The following HNRNPF variants were observed in gnomAD, a reference collection of about 807,000 sequenced individuals.
HNRNPF encodes the protein heterogeneous nuclear ribonucleoprotein F.
A neutral mutation model predicts 26.0 loss-of-function variants in HNRNPF; 2 were observed. That is an observed-to-expected ratio of 0.08 (90% confidence interval 0.03 to 0.24). The LOEUF is 0.24. Ranked by LOEUF, HNRNPF falls within the 10% of genes least tolerant of loss-of-function variation. The pLI is 1.00. For missense variants in HNRNPF, 299 were observed against 539.2 expected, an observed-to-expected ratio of 0.55 and a Z score of 4.41; for synonymous variants, 234 against 211.5, an observed-to-expected ratio of 1.11 and a Z score of -0.92.
In HNRNPF at chr10:43,387,612, G is replaced by A. The variant is rs899239899; in HGVS notation, c.273C>T (p.Thr91=). 7 of 1,614,014 alleles carry A rather than the reference G, an allele frequency of 4.3e-6. No individual in the cohort carries two copies. The highest frequency in any genetic ancestry group is 2.7e-5 in the African/African-American group (2 of 74,910). The part of the protein sequence containing the change: ...RYIEVFKSHR[T]EMDWVLKHSG... Reference sequence around the variant, plus strand: ...TGTGCTTCAACACCCAATCCATCTCGGTTCTGTGGGACTTGAACACCTCAA... The same window carrying A: ...TGTGCTTCAACACCCAATCCATCTCAGTTCTGTGGGACTTGAACACCTCAA... The change falls in exon 4 of 4, where the codon ACC becomes ACT. Residue 91 remains threonine, a synonymous_variant. Coordinates refer to ENST00000682386, the MANE Select transcript of HNRNPF (RefSeq NM_001098204.2). This position sits in a 1 kb window ranked among gnomAD's most constrained non-coding sequence, Gnocchi z 6.0.
chr10:43,403,530 T>C (rs1189015425), intron 1 of HNRNPF, among the ~76,000 whole-genome samples: 1 of 152,236 alleles, frequency 6.6e-6, no homozygotes, highest in Non-Finnish European at 1.5e-5. Flanking sequence ...TCAGTCAACC[T>C]AATCCAGCAA....
chr10:43,403,437 A>G (rs190694300), intron 1 of HNRNPF, among the ~76,000 whole-genome samples: 1 of 152,262 alleles, frequency 6.6e-6, no homozygotes, highest in African/African-American at 2.4e-5. Context: ...TGATTTTTTC[A>G]TTTCCAAAAG....
chr10:43,403,608 A>C (rs1838820505), intron 1 of HNRNPF, among the ~76,000 whole-genome samples: 1 of 152,248 alleles, frequency 6.6e-6, no homozygotes, highest in Non-Finnish European at 1.5e-5. Context: ...TTTCAAACTC[A>C]ATCACTGCAA....
At chr10:43,397,013 T>C (rs1212607467) in intron 1 of HNRNPF, among the ~76,000 whole-genome samples, 1 of 150,046 alleles carries the variant, frequency 6.7e-6, no homozygotes, top group Non-Finnish European at 1.5e-5. Flanking sequence ...AAGCTAGCGC[T>C]GCCTAGGCGG....
intron 1 of HNRNPF, among the ~76,000 whole-genome samples, chr10:43,408,226 G>C (rs1838993397): frequency 6.6e-6 from 1 of 152,170 alleles, no homozygotes; most frequent in African/African-American, 2.4e-5. Context: ...TCCGGCAGTC[G>C]CCAGCTCCCC....
intron 2 of HNRNPF, among the ~76,000 whole-genome samples, chr10:43,396,035 A>G (rs2131976413): frequency 6.6e-6 from 1 of 152,296 alleles, no homozygotes; most frequent in African/African-American, 2.4e-5. Context: ...GGCCACCTAG[A>G]TAATTAAAAC....
intron 1 of HNRNPF, among the ~76,000 whole-genome samples, chr10:43,398,867 A>C (rs1838658869): frequency 6.6e-6 from 1 of 152,164 alleles, no homozygotes; most frequent in Non-Finnish European, 1.5e-5. Flanking sequence ...GAATGCACTT[A>C]CTAAATAACA....
At chr10:43,402,960 C>A (rs1372289825) in intron 1 of HNRNPF, among the ~76,000 whole-genome samples, 1 of 151,920 alleles carries the variant, frequency 6.6e-6, no homozygotes, top group Non-Finnish European at 1.5e-5. Flanking sequence ...AATCACAACT[C>A]ACTGCATCCT....
At chr10:43,407,709 CACGA>C (rs2131996325) in intron 1 of HNRNPF, 1 of 152,212 alleles carries the variant, frequency 6.6e-6, no homozygotes, top group Non-Finnish European at 1.5e-5. Flanking sequence ...CAAATACAAA[CACGA>C]TACCTCTAGG....
At chr10:43,395,567 T>C (rs1035337062) in intron 2 of HNRNPF, among the ~76,000 whole-genome samples, 11 of 152,222 alleles carry the variant, frequency 7.2e-5, no homozygotes, top group Admixed American at 5.2e-4. Flanking sequence ...TTCCAGTGAT[T>C]ATTACTTAAG....
intron 3 of HNRNPF, among the ~76,000 whole-genome samples, chr10:43,392,029 G>T (rs1223016821): frequency 6.6e-6 from 1 of 152,086 alleles, no homozygotes; most frequent in African/African-American, 2.4e-5. Flanking sequence ...TGGATAACCG[G>T]AGCCAGGAGT....
intron 3 of HNRNPF, among the ~76,000 whole-genome samples, chr10:43,389,127 C>T (rs763802724): frequency 6.6e-6 from 1 of 151,974 alleles, no homozygotes; most frequent in African/African-American, 2.4e-5. Flanking sequence ...CCAGCCGCCA[C>T]GCACGGCTAA....
rs541792115 is a variant in HNRNPF at position 43,405,959 on chromosome 10, GGACCCAGTTGGGACTGGGTCCCAA to G, written c.-247+3148_-247+3171del. 2.7e-4 allele frequency among the ~76,000 whole-genome samples: 41 copies of G among 152,090 alleles called. No homozygotes were observed. The East Asian group carries it at 6.4e-3, about 24-fold the overall frequency. On this transcript the variant is annotated intron_variant, in intron 1 of 3. Transcript: ENST00000682386. Reference sequence around the variant, plus strand: ...GGGAGGGGTGTCCCGGTCCAACTTGGGACCCAGTTGGGACTGGGTCCCAAGTCCCAATTGTGTCCCTGGACACAT... The same window carrying G: ...GGGAGGGGTGTCCCGGTCCAACTTGGGTCCCAATTGTGTCCCTGGACACAT...
intron 1 of HNRNPF, among the ~76,000 whole-genome samples, chr10:43,408,571 G>A (rs1839004278): frequency 2.0e-5 from 3 of 152,004 alleles, no homozygotes; most frequent in Admixed American, 2.0e-4. Flanking sequence ...ACCCCAATAG[G>A]CCCAGTCCCC....
At chr10:43,408,171 G>A (rs996816525) in intron 1 of HNRNPF, among the ~76,000 whole-genome samples, 2 of 152,136 alleles carry the variant, frequency 1.3e-5, no homozygotes, top group African/African-American at 4.8e-5. Flanking sequence ...GATCCTCCCG[G>A]CTGGGCCTCC....
intron 1 of HNRNPF, among the ~76,000 whole-genome samples, chr10:43,405,780 A>G (rs190784223): frequency 6.6e-6 from 1 of 152,304 alleles, no homozygotes; most frequent in Non-Finnish European, 1.5e-5. Flanking sequence ...AATACTGCGG[A>G]TTTATTTATT....
At chr10:43,407,074 A>T (rs1838943736) in intron 1 of HNRNPF, among the ~76,000 whole-genome samples, 1 of 152,154 alleles carries the variant, frequency 6.6e-6, no homozygotes, top group African/African-American at 2.4e-5. Context: ...TTAAAAATAT[A>T]ACTAAGTAGA....
chr10:43,388,495 T>C (rs370081904), intron 3 of HNRNPF, among the ~76,000 whole-genome samples: 3 of 152,224 alleles, frequency 2.0e-5, no homozygotes, highest in Non-Finnish European at 4.4e-5. Flanking sequence ...TATGGAGTTA[T>C]GATTTTGCTC....
At chr10:43,398,344 G>GTT (rs71533061) in intron 1 of HNRNPF, among the ~76,000 whole-genome samples, 38,992 of 125,252 alleles carry the variant, frequency 0.31, 7,063 homozygotes, top group African/African-American at 0.54. Flanking sequence ...TGTTGTTGTT[G>GTT]TTTTTTTTTT....
Sources: gnomAD v4.1 joint callset for allele counts (sites outside exome capture counted in the v4.1 genomes callset) on GRCh38, gnomAD v4.1.1 for gene constraint, Gnocchi (gnomAD v3.1) non-coding constraint, MANE v1.5 for transcripts, NCBI Gene and HGNC (gene_info 2026-07-23, HGNC 2026-07-21) for gene names.